Variants in GABRG3 observed in about 807,000 individuals in gnomAD.
GABRG3 encodes gamma-aminobutyric acid type A receptor subunit gamma3.
A neutral mutation model predicts 48.8 loss-of-function variants in GABRG3; 25 were observed. That is an observed-to-expected ratio of 0.51 (90% CI 0.37 to 0.72). The LOEUF (loss-of-function observed/expected upper bound fraction) is 0.72. GABRG3 is among the 30% of genes least tolerant of loss of function. GABRG3 has a pLI of 0.00. For synonymous variants in GABRG3, 227 were observed against 217.6 expected (o/e 1.04, Z -0.38); for missense variants, 394 against 577.9 (o/e 0.68, Z 3.26).
intron 3 of GABRG3, among the ~76,000 whole-genome samples, chr15:27,320,986 TG>T (rs1392019542): frequency 1.3e-5 from 2 of 152,224 alleles, no homozygotes; most frequent in African/African-American, 4.8e-5. Flanking sequence ...CCCCCTGCTA[TG>T]CTTCCCCGGG....
At chr15:27,462,018 T>G (rs564589956) in intron 5 of GABRG3, among the ~76,000 whole-genome samples, 14 of 152,360 alleles carry the variant, frequency 9.2e-5, no homozygotes, top group African/African-American at 3.4e-4. Context: ...GGCCAGTTGC[T>G]GCTTCTAGAA....
At chr15:27,188,755 G>T (rs1436578054) in intron 3 of GABRG3, among the ~76,000 whole-genome samples, 2 of 152,234 alleles carry the variant, frequency 1.3e-5, no homozygotes, top group Non-Finnish European at 2.9e-5. Context: ...GTCAATTTTG[G>T]CTTTTGTTGC....
chr15:27,308,321 TAC>T (rs1378049462), intron 3 of GABRG3, among the ~76,000 whole-genome samples: 3 of 142,340 alleles, frequency 2.1e-5, no homozygotes, highest in Non-Finnish European at 3.1e-5. Flanking sequence ...TATATAAACA[TAC>T]GTTTATATAT....
chr15:27,126,750 T>C (rs1363916049), intron 3 of GABRG3, among the ~76,000 whole-genome samples: 2 of 152,186 alleles, frequency 1.3e-5, no homozygotes, highest in Non-Finnish European at 2.9e-5. Context: ...AGCACCGCCT[T>C]TTGCCATAGA....
intron 3 of GABRG3, among the ~76,000 whole-genome samples, chr15:27,055,780 A>G (rs1896534858): frequency 1.3e-5 from 2 of 152,220 alleles, no homozygotes; most frequent in South Asian, 4.1e-4. Flanking sequence ...ATACCCAACC[A>G]GTAATGATGG....
chr15:27,226,727 C>T (rs975147003), intron 3 of GABRG3, among the ~76,000 whole-genome samples: 4 of 152,190 alleles, frequency 2.6e-5, no homozygotes, highest in African/African-American at 9.7e-5. Flanking sequence ...ACATAACTCT[C>T]CTGACCAGCA....
rs59287961 is a variant in GABRG3 at position 27,001,018 on chromosome 15, C to T, written c.202+23868C>T. Among the ~76,000 whole-genome samples, 2,451 of 152,280 alleles carry T rather than the reference C, an allele frequency of 0.016. 94 individuals carry two copies. The East Asian group carries it at 0.17, about 10-fold the overall frequency. On this transcript the variant is annotated intron_variant, in intron 2 of 9. Transcript: ENST00000615808. ...GATGGTTACAAGTAGTCTTCTCACA[C>T]ACATGCACTGGTTACCCAAGCGAGG...
In GABRG3 at chr15:27,395,869, A is replaced by AT. The variant is rs1005415354; in HGVS notation, c.574+66990dup. Among the ~76,000 whole-genome samples the AT allele has an allele frequency of 2.4e-3, 362 of 151,322 alleles. 1 individual carries two copies. The highest frequency in any genetic ancestry group is 3.3e-3 in the Non-Finnish European group (222 of 67,742). The stretch of plus-strand genomic sequence containing the variant: ...TGGAAAGACAATGGATAAATTGGAC[A>AT]TTTTTTTTTGAGACAGGGTCTCACT... On this transcript the variant is annotated intron_variant, in intron 5 of 9. Coordinates refer to ENST00000615808, the MANE Select transcript of GABRG3 (RefSeq NM_033223.5).
At chr15:27,159,475 C>G (rs1421852444) in intron 3 of GABRG3, among the ~76,000 whole-genome samples, 1 of 151,678 alleles carries the variant, frequency 6.6e-6, no homozygotes, top group Admixed American at 6.6e-5. Context: ...GAGTGAGACT[C>G]CATCTTAAAA....
intron 3 of GABRG3, among the ~76,000 whole-genome samples, chr15:27,143,444 T>C (rs2140391255): frequency 6.6e-6 from 1 of 152,344 alleles, no homozygotes; most frequent in East Asian, 1.9e-4. Context: ...AGTAGATTTG[T>C]CTCAGCAGTG....
chr15:27,174,246 C>T (rs1887668285), intron 3 of GABRG3, among the ~76,000 whole-genome samples: 1 of 152,148 alleles, frequency 6.6e-6, no homozygotes, highest in African/African-American at 2.4e-5. Context: ...TGGTGATACC[C>T]ACATGTCTTT....
At chr15:27,209,856 T>C (rs1254674582) in intron 3 of GABRG3, among the ~76,000 whole-genome samples, 1 of 152,226 alleles carries the variant, frequency 6.6e-6, no homozygotes, top group Non-Finnish European at 1.5e-5. Context: ...ACCTCTCTCC[T>C]TGGCCTGCAG....
At chr15:27,049,030 C>T (rs943464969) in intron 3 of GABRG3, among the ~76,000 whole-genome samples, 12 of 152,350 alleles carry the variant, frequency 7.9e-5, no homozygotes, top group South Asian at 4.1e-4. Context: ...AGTCAGTACT[C>T]GGACACTAGA....
intron 5 of GABRG3, among the ~76,000 whole-genome samples, chr15:27,387,894 AGGAAGGAAGG>A (rs1895981440): frequency 1.8e-5 from 1 of 54,554 alleles, no homozygotes; most frequent in African/African-American, 7.4e-5. Flanking sequence ...GAAGGAGGGA[AGGAAGGAAGG>A]AGGGAAGGAG....
intron 5 of GABRG3, among the ~76,000 whole-genome samples, chr15:27,434,372 C>T (rs964929459): frequency 6.6e-5 from 10 of 152,132 alleles, no homozygotes; most frequent in African/African-American, 1.7e-4. Context: ...GCAAAAGAAA[C>T]GTTTAACTTA....
At chr15:26,971,621 C>A in intron 1 of GABRG3, 33 bp downstream of exon 1, 1 of 1,518,246 alleles carries the variant, frequency 6.6e-7, no homozygotes, top group Non-Finnish European at 8.8e-7. Flanking sequence ...CCCCGGAGGC[C>A]CCGAGCTGGG....
chr15:27,437,028 A>AGAGAGAGAGAGAGAGC lies in GABRG3; in HGVS notation c.575-43617_575-43616insAGAGAGAGAGCGAGAG, dbSNP rs1358186246. ...GAGAGAGAGAGAGAGAGAGAGAGAG[A>AGAGAGAGAGAGAGAGC]GAGAGCGCCCACATTCTCATGAGGA... On this transcript the variant is annotated intron_variant, in intron 5 of 9. Coordinates refer to ENST00000615808, the MANE Select transcript of GABRG3 (RefSeq NM_033223.5). 4.6e-5 allele frequency among the ~76,000 whole-genome samples: 7 copies of AGAGAGAGAGAGAGAGC among 150,782 alleles called. No individual in the cohort carries two copies. The East Asian group carries it at 1.2e-3, about 25-fold the overall frequency.
chr15:27,484,131 T>A (rs945544703), intron 6 of GABRG3, among the ~76,000 whole-genome samples: 4 of 152,158 alleles, frequency 2.6e-5, no homozygotes, highest in African/African-American at 7.2e-5. Context: ...AGACGCAGTT[T>A]CGCCATGTTG....
At chr15:27,035,585 C>A (rs914039867) in intron 3 of GABRG3, among the ~76,000 whole-genome samples, 1 of 152,118 alleles carries the variant, frequency 6.6e-6, no homozygotes, top group Non-Finnish European at 1.5e-5. Context: ...TTGGGTTGGG[C>A]CCCCTATTAG....
Sources: gnomAD v4.1 joint callset for allele counts (sites outside exome capture counted in the v4.1 genomes callset) on GRCh38, gnomAD v4.1.1 for gene constraint, MANE v1.5 for transcripts, NCBI Gene and HGNC (gene_info 2026-07-23, HGNC 2026-07-21) for gene names.